LMLN: variants seen among roughly 807,000 people sequenced by gnomAD.
LMLN encodes leishmanolysin-like peptidase.
A neutral mutation model predicts 92.3 loss-of-function variants in LMLN; 70 were observed. The ratio of observed to expected loss-of-function variants is 0.76; its 90% CI spans 0.63 to 0.92. The LOEUF is 0.92. LMLN is among the 40% of genes least tolerant of loss of function. LMLN has a pLI of 0.00. For synonymous variants in LMLN, 308 were observed against 296.2 expected (o/e 1.04, Z -0.41); for missense variants, 691 against 814.6 (o/e 0.85, Z 1.85).
rs1722900358 is a variant in LMLN at position 198,025,261 on chromosome 3, C to A, written c.1656+473C>A. 7.3e-6 allele frequency among the ~76,000 whole-genome samples: 1 copy of A among 137,706 alleles called. No homozygotes were observed. Among genetic ancestry groups the A allele is most frequent in the South Asian group, 2.5e-4 (1 of 3,938 alleles). The allele number at this position is 137,706 out of a possible 152,430, so 90.3% of individuals were successfully genotyped here. On this transcript the variant is annotated intron_variant, in intron 14 of 15. Transcript: ENST00000330198. This position sits in a 1 kb window ranked among gnomAD's most constrained non-coding sequence, Gnocchi z 4.3. ...ACCATCCTAGGCAACAAAGCGAGAC[C>A]CTGTCTCCAAAAAATAAAGGAAAAA...
chr3:198,035,873 A>T (rs773278472), exon 15 of LMLN: 1 of 1,613,994 alleles, frequency 6.2e-7, no homozygotes, highest in Non-Finnish European at 8.5e-7. Flanking sequence ...TGGGTCCAAG[A>T]TACTTCATAT....
chr3:198,041,794 G>T (rs1723411159), exon 16 of LMLN: 1 of 152,082 alleles, frequency 6.6e-6, no homozygotes. Context: ...AAAATACAAT[G>T]AATTAATCAT....
rs1177761423 is a variant in LMLN, at chr3:197,978,514, G to A, written c.549+1799G>A. On this transcript the variant is annotated intron_variant, in intron 5 of 15. Transcript: ENST00000330198. Reference sequence around the variant, plus strand: ...TAGCCAGGATTGGTGGTGTGCACCTGTGGTCCCAGCCACTTGGGAGGCTGT... The same window carrying A: ...TAGCCAGGATTGGTGGTGTGCACCTATGGTCCCAGCCACTTGGGAGGCTGT... Among the ~76,000 whole-genome samples the A allele has an allele frequency of 2.0e-5, 3 of 152,258 alleles. No individual in the cohort carries two copies. In the East Asian group the frequency reaches 5.8e-4, roughly 29 times the overall value.
intron 6 of LMLN, among the ~76,000 whole-genome samples, chr3:197,982,123 C>T (rs1415589020): frequency 1.3e-5 from 2 of 151,602 alleles, no homozygotes; most frequent in Non-Finnish European, 2.9e-5. Flanking sequence ...GTGTTTTGAC[C>T]GATAGATGGA....
chr3:197,969,486 T>G (rs1177299721), intron 1 of LMLN, among the ~76,000 whole-genome samples: 1 of 152,222 alleles, frequency 6.6e-6, no homozygotes, highest in African/African-American at 2.4e-5. Context: ...AAGTTTGTTG[T>G]TTGATTTTTT....
chr3:197,977,415 TAC>T (rs1410866941), intron 5 of LMLN, among the ~76,000 whole-genome samples: 11 of 151,764 alleles, frequency 7.2e-5, no homozygotes, highest in African/African-American at 2.7e-4. Context: ...AATCTGGAAG[TAC>T]ACACATGTTA....
chr3:197,995,787 A>G (rs143659302), intron 9 of LMLN, among the ~76,000 whole-genome samples: 326 of 152,344 alleles, frequency 2.1e-3, no homozygotes, highest in African/African-American at 7.2e-3. Flanking sequence ...CGATATAATT[A>G]TTTCACATTG....
At chr3:197,984,831 A>T (rs2109872645) in intron 7 of LMLN, among the ~76,000 whole-genome samples, 1 of 151,268 alleles carries the variant, frequency 6.6e-6, no homozygotes, top group East Asian at 2.0e-4. Flanking sequence ...ACGCACCACC[A>T]TGCCCTGCTA....
intron 11 of LMLN, among the ~76,000 whole-genome samples, chr3:198,009,673 C>G (rs1011100198): frequency 6.6e-6 from 1 of 151,414 alleles, no homozygotes; most frequent in Non-Finnish European, 1.5e-5. Context: ...CAGGGCTATT[C>G]TTATCATCTG....
At chr3:197,975,145 G>T (rs7373174) in intron 3 of LMLN, 73 bp downstream of exon 3, 101,887 of 822,496 alleles carry the variant, frequency 0.12, 10,261 homozygotes, top group African/African-American at 0.45. Context: ...CTTCAGTAAA[G>T]AAAAATATAT....
intron 15 of LMLN, among the ~76,000 whole-genome samples, chr3:198,036,881 A>G (rs1723249587): frequency 6.6e-6 from 1 of 152,148 alleles, no homozygotes; most frequent in Non-Finnish European, 1.5e-5. Flanking sequence ...TCTCAACTAG[A>G]GGTGTTTTTT....
At chr3:197,976,842 C>T in intron 5 of LMLN, 127 bp downstream of exon 5, 1 of 470,206 alleles carries the variant, frequency 2.1e-6, no homozygotes, top group South Asian at 4.9e-5. Context: ...AAAGTAACCA[C>T]AGATATGCTG....
chr3:197,990,765 A>C, intron 9 of LMLN, 89 bp downstream of exon 9: 1 of 608,064 alleles, frequency 1.6e-6, no homozygotes, highest in South Asian at 2.3e-5. Context: ...TTGTTTAAGA[A>C]CTTATAATTA....
intron 7 of LMLN, among the ~76,000 whole-genome samples, chr3:197,984,899 A>T (rs1330387564): frequency 6.7e-6 from 1 of 148,376 alleles, no homozygotes; most frequent in Non-Finnish European, 1.5e-5. Context: ...CAGGTCTTGA[A>T]CTCCCGGGCT....
chr3:198,019,393 A>G lies in LMLN; in HGVS notation c.1365+8A>G, dbSNP rs2109933701. Reference sequence around the variant, plus strand: ...TTACCACAGGAATACCAGGTAGAACAGGGCTGGGGCACAGTTTCAGGAATC... The same window carrying G: ...TTACCACAGGAATACCAGGTAGAACGGGGCTGGGGCACAGTTTCAGGAATC... On this transcript the variant is annotated splice_region_variant and intron_variant, in intron 12 of 15. Coordinates refer to ENST00000330198, the Ensembl canonical transcript of LMLN. This position sits in a 1 kb window ranked among gnomAD's most constrained non-coding sequence, Gnocchi z 5.5. 6.2e-7 allele frequency: 1 copy of G among 1,605,062 alleles called. No individual in the cohort carries two copies. Among genetic ancestry groups the G allele is most frequent in the Non-Finnish European group, 8.5e-7 (1 of 1,177,594 alleles).
At chr3:198,024,577 A>G in intron 13 of LMLN, 81 bp from the exon 15 acceptor site, 1 of 1,245,960 alleles carries the variant, frequency 8.0e-7, no homozygotes, top group Non-Finnish European at 1.1e-6. Flanking sequence ...GCAACTTTTA[A>G]TCATAAAAAT....
intron 9 of LMLN, among the ~76,000 whole-genome samples, chr3:197,994,951 C>A (rs1442666129): frequency 6.6e-6 from 1 of 152,204 alleles, no homozygotes; most frequent in East Asian, 1.9e-4. Context: ...ACAGAATCAG[C>A]CTAAGTGTCC....
chr3:198,023,257 A>G (rs549298030), intron 13 of LMLN, among the ~76,000 whole-genome samples: 2 of 152,146 alleles, frequency 1.3e-5, no homozygotes, highest in African/African-American at 2.4e-5. Flanking sequence ...TGGCACCATC[A>G]TAGCTCACTG....
chr3:198,015,834 A>G (rs1038678616), intron 11 of LMLN, among the ~76,000 whole-genome samples: 1 of 152,214 alleles, frequency 6.6e-6, no homozygotes, highest in Non-Finnish European at 1.5e-5. Flanking sequence ...GGGAATAGAG[A>G]AAAGCACATC....
Sources: gnomAD v4.1 joint callset for allele counts (sites outside exome capture counted in the v4.1 genomes callset) on GRCh38, gnomAD v4.1.1 for gene constraint, Gnocchi (gnomAD v3.1) non-coding constraint, MANE v1.5 for transcripts, NCBI Gene and HGNC (gene_info 2026-07-23, HGNC 2026-07-21) for gene names.